The following PIP5K1B variants were observed in gnomAD, a reference collection of about 807,000 sequenced individuals.
PIP5K1B encodes phosphatidylinositol-4-phosphate 5-kinase type 1 beta, also known as phosphatidylinositol 4-phosphate 5-kinase type-1 beta.
Under a neutral mutation model 67.0 loss-of-function variants are expected in PIP5K1B, and 42 were observed. The observed-to-expected ratio is 0.63, with a 90% CI of 0.49 to 0.81. The LOEUF is 0.81. PIP5K1B is among the 30% of genes least tolerant of loss of function. The pLI is 0.00. For missense variants in PIP5K1B, 459 were observed against 646.3 expected (o/e 0.71, Z 3.14); for synonymous variants, 214 against 231.4 (o/e 0.92, Z 0.68).
chr9:68,958,326 T>C (rs1828508030), intron 14 of PIP5K1B, among the ~76,000 whole-genome samples: 1 of 152,232 alleles, frequency 6.6e-6, no homozygotes, highest in South Asian at 2.1e-4. Flanking sequence ...CACCAGTGAT[T>C]GTGCCAAACA....
At chr9:68,778,485 A>C (rs1027637116) in intron 2 of PIP5K1B, among the ~76,000 whole-genome samples, 1 of 152,198 alleles carries the variant, frequency 6.6e-6, no homozygotes, top group Admixed American at 6.5e-5. Flanking sequence ...CGAATAATCT[A>C]TTTCTTTCAC....
intron 4 of PIP5K1B, among the ~76,000 whole-genome samples, chr9:68,831,761 C>T (rs1434798213): frequency 1.3e-5 from 2 of 152,030 alleles, no homozygotes; most frequent in African/African-American, 2.4e-5. Flanking sequence ...CTGCAACCTC[C>T]GCTGCCCGGG....
At chr9:68,920,617 C>A (rs1826333169) in intron 11 of PIP5K1B, among the ~76,000 whole-genome samples, 1 of 151,988 alleles carries the variant, frequency 6.6e-6, no homozygotes, top group Non-Finnish European at 1.5e-5. Flanking sequence ...ATCCACCTGC[C>A]TTGGCCTCCC....
intron 2 of PIP5K1B, among the ~76,000 whole-genome samples, chr9:68,757,467 C>T (rs1413894898): frequency 6.6e-6 from 1 of 151,906 alleles, no homozygotes; most frequent in African/African-American, 2.4e-5. Flanking sequence ...TAGGGGGCTT[C>T]ATTATGTTAA....
At chr9:68,830,316 T>C (rs936556093) in intron 4 of PIP5K1B, among the ~76,000 whole-genome samples, 5 of 152,116 alleles carry the variant, frequency 3.3e-5, no homozygotes, top group Non-Finnish European at 5.9e-5. Flanking sequence ...TGTGCTTCTG[T>C]CTCCTTCCTC....
intron 10 of PIP5K1B, 33 bp from the exon 11 acceptor site, chr9:68,919,648 C>T: frequency 6.9e-7 from 1 of 1,449,590 alleles, no homozygotes; most frequent in Non-Finnish European, 9.7e-7. Context: ...AGTGATTTTA[C>T]ATTCTCATTT....
intron 8 of PIP5K1B, among the ~76,000 whole-genome samples, chr9:68,910,641 A>G (rs1236548564): frequency 2.6e-5 from 4 of 152,264 alleles, no homozygotes; most frequent in Admixed American, 2.6e-4. Flanking sequence ...TACAAAGAAT[A>G]TAGGTGTAAC....
intron 14 of PIP5K1B, among the ~76,000 whole-genome samples, chr9:68,990,707 G>A (rs529352293): frequency 2.1e-4 from 31 of 151,076 alleles, no homozygotes; most frequent in African/African-American, 7.1e-4. Context: ...CTTTGTTGCC[G>A]GGCTAGAGTG....
chr9:68,933,733 G>C (rs1827122107), intron 12 of PIP5K1B, among the ~76,000 whole-genome samples: 1 of 152,166 alleles, frequency 6.6e-6, no homozygotes, highest in Non-Finnish European at 1.5e-5. Flanking sequence ...CTCCACAAAT[G>C]TTATTTATTA....
chr9:68,822,562 A>G, intron 3 of PIP5K1B, 53 bp from the exon 4 acceptor site: 5 of 1,239,752 alleles, frequency 4.0e-6, no homozygotes, highest in Non-Finnish European at 5.8e-6. Context: ...TTATTAATAT[A>G]TTGTATTTCA....
In PIP5K1B at chr9:68,949,732, C is replaced by A. The variant is rs192571079; in HGVS notation, c.1502+8942C>A. Among the ~76,000 whole-genome samples, 15 of 152,280 alleles carry A rather than the reference C, an allele frequency of 9.9e-5. No homozygotes were observed. The East Asian group carries it at 2.7e-3, about 27-fold the overall frequency. On this transcript the variant is annotated intron_variant, in intron 14 of 15. Coordinates refer to ENST00000265382, the MANE Select transcript of PIP5K1B (RefSeq NM_003558.4). ...AGTGAACAATATGTGAATCGGGCAG[C>A]CCCCAGAATCATATAGCAGATTCAG...
intron 7 of PIP5K1B, among the ~76,000 whole-genome samples, chr9:68,893,751 G>GA (rs1002922220): frequency 1.3e-5 from 2 of 152,028 alleles, no homozygotes; most frequent in African/African-American, 2.4e-5. Flanking sequence ...AAAACCTGCA[G>GA]AAAAAAATGA....
At chr9:68,920,660 G>A (rs957679931) in intron 11 of PIP5K1B, among the ~76,000 whole-genome samples, 7 of 151,870 alleles carry the variant, frequency 4.6e-5, no homozygotes, top group South Asian at 2.1e-4. Context: ...GAGCCACTGC[G>A]CCCAGCCAAG....
At chr9:68,943,669 A>AG (rs1242614044) in intron 14 of PIP5K1B, among the ~76,000 whole-genome samples, 1 of 152,224 alleles carries the variant, frequency 6.6e-6, no homozygotes, top group Non-Finnish European at 1.5e-5. Flanking sequence ...AGAAAAAAAA[A>AG]AGAAAGAAAA....
chr9:68,965,989 A>T (rs1249393428), intron 14 of PIP5K1B, among the ~76,000 whole-genome samples: 1 of 151,940 alleles, frequency 6.6e-6, no homozygotes, highest in Non-Finnish European at 1.5e-5. Context: ...AAAAAAAAAA[A>T]AAAGCTATTT....
chr9:68,983,354 T>G (rs946536876), intron 14 of PIP5K1B, among the ~76,000 whole-genome samples: 5 of 152,116 alleles, frequency 3.3e-5, no homozygotes, highest in African/African-American at 1.2e-4. Context: ...AAGTGTCCTG[T>G]GGAGGATGTG....
intron 1 of PIP5K1B, among the ~76,000 whole-genome samples, chr9:68,736,896 G>T (rs1280445082): frequency 6.6e-6 from 1 of 152,174 alleles, no homozygotes; most frequent in Non-Finnish European, 1.5e-5. Flanking sequence ...CATCTTTGGG[G>T]ACATTATTCA....
chr9:68,808,127 G>A (rs1832968080), intron 2 of PIP5K1B, among the ~76,000 whole-genome samples: 1 of 152,230 alleles, frequency 6.6e-6, no homozygotes, highest in South Asian at 2.1e-4. Flanking sequence ...GAGCCTGGGA[G>A]GCAGAGGTTG....
chr9:68,950,364 C>T (rs1402893931), intron 14 of PIP5K1B, among the ~76,000 whole-genome samples: 1 of 152,158 alleles, frequency 6.6e-6, no homozygotes, highest in Non-Finnish European at 1.5e-5. Flanking sequence ...GTGACAGTTG[C>T]ACTCTTGGGT....
Sources: allele counts gnomAD v4.1 joint callset (sites outside exome capture counted in the v4.1 genomes callset), GRCh38; gene constraint gnomAD v4.1.1; transcripts MANE v1.5; gene names NCBI Gene and HGNC (gene_info 2026-07-23, HGNC 2026-07-21).